The following GALK2 variants were observed in gnomAD, a reference collection of about 807,000 sequenced individuals.
The protein encoded by GALK2 is galactokinase 2.
Under a neutral mutation model 52.4 loss-of-function variants are expected in GALK2, and 36 were observed. The observed-to-expected ratio is 0.69, with a 90% CI of 0.53 to 0.91. The LOEUF is 0.91. Among genes scored for constraint, GALK2 ranks in the 40% least tolerant of loss-of-function variants. The pLI is 0.00. For synonymous variants in GALK2, 176 were observed against 199.1 expected (o/e 0.88, Z 0.98); for missense variants, 579 against 559.1 (o/e 1.04, Z -0.36).
chr15:49,306,324 A>G (rs1163344098), intron 8 of GALK2, among the ~76,000 whole-genome samples: 2 of 152,094 alleles, frequency 1.3e-5, no homozygotes, highest in Admixed American at 6.6e-5. Flanking sequence ...AATAAATAAC[A>G]TAAGTAGAGA....
At chr15:49,283,219 T>C (rs1050328988) in intron 6 of GALK2, among the ~76,000 whole-genome samples, 2 of 152,212 alleles carry the variant, frequency 1.3e-5, no homozygotes, top group Admixed American at 6.5e-5. Context: ...AGATTTCTCT[T>C]TTTCAACTGA....
rs548947271 is a variant in GALK2 at position 49,217,539 on chromosome 15, A to T, written c.266+226A>T. ...TATCATGTGCTAGACATAGTCTTAG[A>T]TACCAGGTGATACAAAGATAAATAA... is the stretch of plus-strand genomic sequence containing the variant. On this transcript the variant is annotated intron_variant, in intron 3 of 9. Coordinates refer to ENST00000560031, the MANE Select transcript of GALK2 (RefSeq NM_002044.4). 2.1e-3 allele frequency among the ~76,000 whole-genome samples: 321 copies of T among 152,372 alleles called. 3 individuals carry two copies. The highest frequency in any genetic ancestry group is 8.9e-3 in the Admixed American group (137 of 15,308).
chr15:49,335,308 A>T (rs2039515477), downstream of GALK2: 1 of 672,872 alleles, frequency 1.5e-6, no homozygotes, highest in Middle Eastern at 4.1e-4. Context: ...TAAGATGCTC[A>T]GACATGACTC....
chr15:49,209,787 G>A (rs76041570), intron 2 of GALK2, among the ~76,000 whole-genome samples: 9,194 of 152,158 alleles, frequency 0.06, 554 homozygotes, highest in African/African-American at 0.15. Flanking sequence ...ATATTGTCCT[G>A]TAGTTTTCTT....
At chr15:49,367,526 A>C (rs1221260264) in exon 4 of GALK2, 1 of 1,606,960 alleles carries the variant, frequency 6.2e-7, no homozygotes, top group East Asian at 2.2e-5. Context: ...ATGCATCTTA[A>C]GATAATATAA....
chr15:49,282,330 G>A (rs1259002477), intron 6 of GALK2, among the ~76,000 whole-genome samples: 1 of 152,094 alleles, frequency 6.6e-6, no homozygotes, highest in African/African-American at 2.4e-5. Flanking sequence ...TTTCTCATGT[G>A]TCTAGCTTTT....
At chr15:49,362,892 A>G (rs181635598) in intron 3 of GALK2, among the ~76,000 whole-genome samples, 125 of 152,130 alleles carry the variant, frequency 8.2e-4, no homozygotes, top group African/African-American at 2.7e-3. Context: ...TCCTTTCCCT[A>G]TTACTTGTTT....
intron 1 of GALK2, among the ~76,000 whole-genome samples, chr15:49,187,583 C>G (rs1366771887): frequency 6.6e-6 from 1 of 152,144 alleles, no homozygotes; most frequent in African/African-American, 2.4e-5. Flanking sequence ...AGTAAGGAAC[C>G]TTAGGAATCT....
intron 1 of GALK2, among the ~76,000 whole-genome samples, chr15:49,171,310 G>C (rs573363910): frequency 6.6e-6 from 1 of 152,058 alleles, no homozygotes; most frequent in Non-Finnish European, 1.5e-5. Context: ...TCGAGCTCCT[G>C]AGCTCAAGTG....
rs1209854117 is a variant in GALK2 at position 49,282,092 on chromosome 15, A to G, written c.603+7A>G. On this transcript the variant is annotated splice_region_variant and intron_variant, in intron 6 of 9. Coordinates refer to ENST00000560031, the MANE Select transcript of GALK2 (RefSeq NM_002044.4). Reference sequence around the variant, plus strand: ...TCTTGCAGAAGAAGGAACTGTAGGTAGCATTCCAAGTAGGAACCATTCAGA... The same window carrying G: ...TCTTGCAGAAGAAGGAACTGTAGGTGGCATTCCAAGTAGGAACCATTCAGA... 6.3e-7 allele frequency: 1 copy of G among 1,595,460 alleles called. No homozygotes were observed. Among genetic ancestry groups the G allele is most frequent in the Non-Finnish European group, 8.6e-7 (1 of 1,165,138 alleles).
chr15:49,334,225 G>C (rs996870775), downstream of GALK2: 2 of 981,208 alleles, frequency 2.0e-6, no homozygotes, highest in African/African-American at 3.5e-5. Flanking sequence ...AACCTATCAA[G>C]CTCCTTGTCA....
At chr15:49,243,601 G>T (rs964909606) in intron 5 of GALK2, among the ~76,000 whole-genome samples, 8 of 151,830 alleles carry the variant, frequency 5.3e-5, no homozygotes, top group African/African-American at 1.9e-4. Flanking sequence ...GATTTTGGAA[G>T]AAAACCTACA....
chr15:49,210,493 G>A (rs1020811068), intron 2 of GALK2, among the ~76,000 whole-genome samples: 33 of 151,826 alleles, frequency 2.2e-4, no homozygotes, highest in African/African-American at 6.8e-4. Context: ...AAGCTGGAGT[G>A]CAATGGTGCG....
intron 3 of GALK2, among the ~76,000 whole-genome samples, chr15:49,354,541 G>A (rs2042774748): frequency 6.6e-6 from 1 of 152,318 alleles, no homozygotes; most frequent in Middle Eastern, 3.4e-3. Flanking sequence ...TTTCCGACCG[G>A]CTTAAAAAAC....
rs146513403 is a variant in GALK2, at chr15:49,344,275, T to C, written c.427-23216T>C. 756 of 152,330 alleles carry C rather than the reference T, an allele frequency of 5.0e-3. 9 individuals are homozygous for C. Among genetic ancestry groups the C allele is most frequent in the African/African-American group, 0.017 (715 of 41,578 alleles). The allele number at this position is 152,330 out of a possible 1,614,324, so 9.4% of individuals were successfully genotyped here. ...TCATTTTTCTGTGTCTTTTCATCTG[T>C]TACATACAAATACATATTTTACAAT... On this transcript the variant is annotated intron_variant, in intron 3 of 3. Transcript: ENST00000558399.
intron 4 of GALK2, 103 bp from the exon 5 acceptor site, chr15:49,239,118 A>C: frequency 1.1e-6 from 1 of 908,118 alleles, no homozygotes; most frequent in East Asian, 2.5e-5. Flanking sequence ...TAACTATTAT[A>C]AGTCTATTGA....
At chr15:49,229,601 T>G (rs2090388832) in intron 3 of GALK2, among the ~76,000 whole-genome samples, 1 of 152,098 alleles carries the variant, frequency 6.6e-6, no homozygotes, top group Non-Finnish European at 1.5e-5. Context: ...GTACCCTGGA[T>G]TGTATGCTTA....
At chr15:49,259,207 C>CT (rs1241231177) in intron 5 of GALK2, among the ~76,000 whole-genome samples, 1 of 151,538 alleles carries the variant, frequency 6.6e-6, no homozygotes, top group East Asian at 1.9e-4. Flanking sequence ...TATTATTATA[C>CT]TTTAAGTTTT....
chr15:49,209,370 G>A (rs2088610879), intron 2 of GALK2, among the ~76,000 whole-genome samples: 1 of 152,078 alleles, frequency 6.6e-6, no homozygotes. Context: ...GTACTATTTT[G>A]AATAAGAGTG....
Sources: allele counts gnomAD v4.1 joint callset (sites outside exome capture counted in the v4.1 genomes callset), GRCh38; gene constraint gnomAD v4.1.1; transcripts MANE v1.5; gene names NCBI Gene and HGNC (gene_info 2026-07-23, HGNC 2026-07-21).